Variants in COL13A1 observed in about 807,000 individuals in gnomAD.
COL13A1 encodes the protein collagen type XIII alpha 1 chain, also known as collagen alpha-1(XIII) chain.
COL13A1 carries 89 observed loss-of-function variants against 130.9 expected under a neutral mutation model. The observed-to-expected ratio is 0.68, with a 90% confidence interval of 0.57 to 0.81. COL13A1 has a LOEUF of 0.81. Among genes scored for constraint, COL13A1 ranks in the 30% least tolerant of loss-of-function variants. COL13A1 has a pLI of 0.00. For missense variants in COL13A1, 879 were observed against 934.6 expected, an observed-to-expected ratio of 0.94 and a Z score of 0.78; for synonymous variants, 402 against 341.6, an observed-to-expected ratio of 1.18 and a Z score of -1.95.
At chr10:69,884,438 A>C (rs1195790832) in intron 7 of COL13A1, among the ~76,000 whole-genome samples, 1 of 152,216 alleles carries the variant, frequency 6.6e-6, no homozygotes, top group African/African-American at 2.4e-5. Flanking sequence ...GGGCAGAGAC[A>C]CAACTGACCA....
intron 30 of COL13A1, among the ~76,000 whole-genome samples, chr10:69,931,009 C>T (rs1330874829): frequency 2.6e-5 from 4 of 152,230 alleles, no homozygotes; most frequent in African/African-American, 9.6e-5. Context: ...GGGGCCTTCT[C>T]TGGGTCTCAG....
chr10:69,950,669 G>A (rs1315397817), intron 38 of COL13A1, among the ~76,000 whole-genome samples: 1 of 152,198 alleles, frequency 6.6e-6, no homozygotes, highest in Non-Finnish European at 1.5e-5. Context: ...AAAACTTCAG[G>A]CCGATGGGAA....
At chr10:69,943,550 G>A (rs1162968992) in intron 35 of COL13A1, among the ~76,000 whole-genome samples, 9 of 150,600 alleles carry the variant, frequency 6.0e-5, no homozygotes, top group Admixed American at 5.3e-4. Flanking sequence ...CAGACATTGA[G>A]GCACCCTAAT....
At chr10:69,929,275 G>A (rs1335549391) in intron 28 of COL13A1, among the ~76,000 whole-genome samples, 2 of 151,804 alleles carry the variant, frequency 1.3e-5, no homozygotes, top group African/African-American at 4.8e-5. Flanking sequence ...CAGACCCACA[G>A]CGGGAGTGAG....
intron 2 of COL13A1, among the ~76,000 whole-genome samples, chr10:69,846,300 G>T (rs947472433): frequency 1.3e-5 from 2 of 152,016 alleles, no homozygotes; most frequent in Admixed American, 6.5e-5. Flanking sequence ...GAGTGTCCTG[G>T]TTCCTAATCA....
chr10:69,853,658 A>T (rs1564849893), intron 2 of COL13A1, among the ~76,000 whole-genome samples: 1 of 152,246 alleles, frequency 6.6e-6, no homozygotes, highest in Non-Finnish European at 1.5e-5. Context: ...TATAAAAAAC[A>T]CAGAAACTTC....
chr10:69,821,323 T>C (rs1043524491), intron 1 of COL13A1, among the ~76,000 whole-genome samples: 1 of 152,232 alleles, frequency 6.6e-6, no homozygotes, highest in African/African-American at 2.4e-5. Context: ...GGCTACCAGC[T>C]TCCTATGGCT....
intron 3 of COL13A1, among the ~76,000 whole-genome samples, chr10:69,868,852 T>C (rs1425971729): frequency 6.6e-6 from 1 of 152,240 alleles, no homozygotes; most frequent in Non-Finnish European, 1.5e-5. Context: ...TAATGTATTA[T>C]GGCACGTTTG....
chr10:69,940,867 C>T (rs2067529979), intron 34 of COL13A1, 121 bp from the exon 35 acceptor site: 1 of 1,338,860 alleles, frequency 7.5e-7, no homozygotes, highest in Non-Finnish European at 1.1e-6. Context: ...TGTTTGATTA[C>T]CAGCATTTAT....
intron 1 of COL13A1, among the ~76,000 whole-genome samples, chr10:69,818,954 G>A (rs1461892794): frequency 6.6e-6 from 1 of 152,178 alleles, no homozygotes; most frequent in Non-Finnish European, 1.5e-5. Context: ...AACCCTCACA[G>A]CTCCCACTCC....
intron 13 of COL13A1, among the ~76,000 whole-genome samples, chr10:69,896,390 GA>G (rs1335022646): frequency 1.3e-5 from 2 of 152,062 alleles, no homozygotes; most frequent in Admixed American, 6.5e-5. Flanking sequence ...GCTGGACCCA[GA>G]AAAAAATGCC....
chr10:69,875,238 G>A, intron 5 of COL13A1, 75 bp downstream of exon 5: 1 of 1,576,096 alleles, frequency 6.3e-7, no homozygotes, highest in South Asian at 1.1e-5. Context: ...CTAAACCATG[G>A]CAATGTGCTG....
intron 2 of COL13A1, among the ~76,000 whole-genome samples, chr10:69,856,729 C>T (rs1029861918): frequency 1.3e-5 from 2 of 152,122 alleles, no homozygotes; most frequent in African/African-American, 2.4e-5. Context: ...GCTTGCACAA[C>T]AGATGATTTC....
At chr10:69,901,032 G>A (rs147042584) in intron 14 of COL13A1, among the ~76,000 whole-genome samples, 11 of 152,358 alleles carry the variant, frequency 7.2e-5, no homozygotes, top group Non-Finnish European at 1.5e-4. Context: ...AGGATTCTGA[G>A]GAGGTTCCGG....
intron 6 of COL13A1, among the ~76,000 whole-genome samples, chr10:69,878,668 G>A (rs2059851966): frequency 6.6e-6 from 1 of 152,214 alleles, no homozygotes; most frequent in South Asian, 2.1e-4. Flanking sequence ...TTTTAGTAGA[G>A]ACAGGGTTTT....
At chr10:69,900,190 T>A (rs1346793848) in intron 14 of COL13A1, among the ~76,000 whole-genome samples, 2 of 151,936 alleles carry the variant, frequency 1.3e-5, no homozygotes, top group Non-Finnish European at 2.9e-5. Flanking sequence ...GAGAGCTGAG[T>A]CCACACTCTC....
At chr10:69,947,673 A>G (rs2068761307) in intron 38 of COL13A1, among the ~76,000 whole-genome samples, 1 of 152,156 alleles carries the variant, frequency 6.6e-6, no homozygotes, top group Admixed American at 6.5e-5. Flanking sequence ...ATCATTTTAG[A>G]TCCATTGCTA....
chr10:69,936,383 T>C (rs570855161), intron 32 of COL13A1, among the ~76,000 whole-genome samples: 5 of 152,266 alleles, frequency 3.3e-5, no homozygotes, highest in African/African-American at 1.2e-4. Flanking sequence ...GAAGTAGCAG[T>C]AGGAATAATG....
intron 8 of COL13A1, 86 bp from the exon 9 acceptor site, chr10:69,888,218 T>G (rs532183376): frequency 1.3e-6 from 2 of 1,501,788 alleles, no homozygotes; most frequent in Middle Eastern, 1.7e-4. Context: ...GAATCCAGAA[T>G]CTGTGCTTTT....
Sources: allele counts gnomAD v4.1 joint callset (sites outside exome capture counted in the v4.1 genomes callset), GRCh38; gene constraint gnomAD v4.1.1; transcripts MANE v1.5; gene names NCBI Gene and HGNC (gene_info 2026-07-23, HGNC 2026-07-21).